Variants in EXT1 observed in about 807,000 individuals in gnomAD.
EXT1 encodes exostosin glycosyltransferase 1, also known as exostosin-1.
Under a neutral mutation model 82.5 loss-of-function variants are expected in EXT1, and 20 were observed. That is an observed-to-expected ratio of 0.24 (90% CI 0.17 to 0.35). The LOEUF is 0.35. EXT1 is among the 10% of genes least tolerant of loss of function. The probability of loss-of-function intolerance (pLI) is 1.00; values close to 1 mark genes in which losing one functional copy is unlikely to be tolerated. For missense variants in EXT1, 757 were observed against 936.5 expected (o/e 0.81, Z 2.50); for synonymous variants, 348 against 350.8 (o/e 0.99, Z 0.09).
chr8:117,859,213 G>A (rs889412845), intron 1 of EXT1, among the ~76,000 whole-genome samples: 5 of 152,014 alleles, frequency 3.3e-5, no homozygotes, highest in African/African-American at 4.8e-5. Context: ...TCGTGGTCTG[G>A]AACCAAACAC....
intron 1 of EXT1, among the ~76,000 whole-genome samples, chr8:118,046,190 C>A (rs1483824430): frequency 2.6e-5 from 4 of 151,592 alleles, no homozygotes; most frequent in Non-Finnish European, 5.9e-5. Context: ...AGGACTGGGT[C>A]TAGTTTCCCA....
At chr8:118,089,665 A>G (rs1252734578) in intron 1 of EXT1, among the ~76,000 whole-genome samples, 1 of 152,232 alleles carries the variant, frequency 6.6e-6, no homozygotes, top group Admixed American at 6.5e-5. Flanking sequence ...CTTTTTTAAC[A>G]CATTCGCCAG....
chr8:117,865,689 T>C (rs1331116797), intron 1 of EXT1, among the ~76,000 whole-genome samples: 2 of 152,230 alleles, frequency 1.3e-5, no homozygotes, highest in East Asian at 3.8e-4. Flanking sequence ...TGTATTACAA[T>C]ATTCATCCTG....
At chr8:117,839,055 T>C (rs1243980480) in intron 1 of EXT1, among the ~76,000 whole-genome samples, 1 of 152,170 alleles carries the variant, frequency 6.6e-6, no homozygotes, top group Non-Finnish European at 1.5e-5. Flanking sequence ...AGAAAACTTA[T>C]AGGAAAAATT....
chr8:117,985,883 T>C (rs1170162905), intron 1 of EXT1, among the ~76,000 whole-genome samples: 1 of 152,248 alleles, frequency 6.6e-6, no homozygotes. Flanking sequence ...CACTTTTCTA[T>C]AGCATTGAAT....
At chr8:117,841,446 A>G (rs765781704) in intron 1 of EXT1, among the ~76,000 whole-genome samples, 3 of 152,190 alleles carry the variant, frequency 2.0e-5, no homozygotes, top group Non-Finnish European at 2.9e-5. Flanking sequence ...ATGGGGGGAC[A>G]CAGTGTTTTA....
chr8:117,864,613 G>A (rs940455805), intron 1 of EXT1, among the ~76,000 whole-genome samples: 3 of 152,172 alleles, frequency 2.0e-5, no homozygotes, highest in Non-Finnish European at 4.4e-5. Context: ...GCGGGGCATG[G>A]TGGGGTGTGC....
In EXT1 at chr8:118,025,732, T is replaced by C. The variant is rs17505276; in HGVS notation, c.962+84353A>G. Among the ~76,000 whole-genome samples, 564 of 151,902 alleles carry C rather than the reference T, an allele frequency of 3.7e-3. 3 individuals are homozygous for C. Among genetic ancestry groups the C allele is most frequent in the African/African-American group, 0.013 (545 of 41,416 alleles). ...AGGAGAAAAAAATGTGATGAAGGAG[T>C]CTTGTTTCCTTTTTTTCTCTTCCAT... On this transcript the variant is annotated intron_variant, in intron 1 of 10. Coordinates refer to ENST00000378204, the MANE Select transcript of EXT1 (RefSeq NM_000127.3).
intron 1 of EXT1, among the ~76,000 whole-genome samples, chr8:118,091,553 A>G (rs1174637606): frequency 6.6e-6 from 1 of 152,140 alleles, no homozygotes; most frequent in Non-Finnish European, 1.5e-5. Context: ...CCTGGCTAAC[A>G]CAGTGAAACT....
chr8:117,863,274 C>G (rs763428472), intron 1 of EXT1, among the ~76,000 whole-genome samples: 1 of 114,308 alleles, frequency 8.7e-6, no homozygotes, highest in African/African-American at 2.6e-5. Context: ...AGACACACAG[C>G]TACTATGCAC....
At chr8:117,873,374 C>A (rs1275182373) in intron 1 of EXT1, among the ~76,000 whole-genome samples, 1 of 151,704 alleles carries the variant, frequency 6.6e-6, no homozygotes, top group East Asian at 1.9e-4. Context: ...ACTACAATTT[C>A]CCATGAAGTT....
intron 1 of EXT1, among the ~76,000 whole-genome samples, chr8:117,958,775 C>G (rs1814638167): frequency 6.6e-6 from 1 of 152,152 alleles, no homozygotes; most frequent in Non-Finnish European, 1.5e-5. Context: ...TTTCAACTAG[C>G]CTAAGCAAAA....
intron 1 of EXT1, among the ~76,000 whole-genome samples, chr8:118,071,968 T>G (rs569747928): frequency 6.6e-6 from 1 of 152,178 alleles, no homozygotes; most frequent in South Asian, 2.1e-4. Context: ...GGTGAGTAGG[T>G]TAAAAGAAGC....
intron 1 of EXT1, among the ~76,000 whole-genome samples, chr8:118,020,364 A>G (rs1022139553): frequency 2.0e-5 from 3 of 152,330 alleles, no homozygotes; most frequent in African/African-American, 4.8e-5. Flanking sequence ...TGGTCTTTAC[A>G]TACCTTCACT....
At chr8:118,041,239 C>T (rs73704896) in intron 1 of EXT1, among the ~76,000 whole-genome samples, 3,590 of 152,244 alleles carry the variant, frequency 0.024, 130 homozygotes, top group African/African-American at 0.077. Context: ...TCTAACTAGG[C>T]ATCAGAAAGC....
chr8:117,820,710 A>C (rs990828804), intron 5 of EXT1, among the ~76,000 whole-genome samples: 1 of 152,140 alleles, frequency 6.6e-6, no homozygotes, highest in Non-Finnish European at 1.5e-5. Context: ...AAAAAAAAAA[A>C]AACTTAATGC....
At chr8:117,812,990 G>A in intron 7 of EXT1, 29 bp from the exon 8 acceptor site, 1 of 1,570,492 alleles carries the variant, frequency 6.4e-7, no homozygotes, top group Non-Finnish European at 8.7e-7. Flanking sequence ...AGGCAGTGGG[G>A]AGGGAATGAG....
Position 117,915,803 on chromosome 8 carries a change from C to T in EXT1, c.963-78602G>A, listed in dbSNP as rs188644567. Among the ~76,000 whole-genome samples, 298 of 152,240 alleles carry T rather than the reference C, an allele frequency of 2.0e-3. 2 individuals carry two copies. Among genetic ancestry groups the T allele is most frequent in the African/African-American group, 6.8e-3 (284 of 41,552 alleles). On this transcript the variant is annotated intron_variant, in intron 1 of 10. Transcript: ENST00000378204. ...CCCAAGAGGCGGAGGTTACAGTGAG[C>T]CAAGATCATGCCACTGCATTCCAGC...
chr8:117,822,595 A>G lies in EXT1; in HGVS notation c.1287T>C (p.Ile429=). 6.2e-7 allele frequency: 1 copy of G among 1,612,562 alleles called. No individual in the cohort carries two copies. ...VEKIVLTTLE[I]IQDRIFKHIS... ...TGTGCTTGAATATTCTGTCCTGAAT[A>G]ATCTAGAAAATAAAACATAGCACAC... is the stretch of plus-strand genomic sequence containing the variant. The change falls in exon 5 of 11, where the codon ATT becomes ATC. Residue 429 remains isoleucine, a splice_region_variant and synonymous_variant. Transcript: ENST00000378204.
Sources: gnomAD v4.1 joint callset for allele counts (sites outside exome capture counted in the v4.1 genomes callset) on GRCh38, gnomAD v4.1.1 for gene constraint, MANE v1.5 for transcripts, NCBI Gene and HGNC (gene_info 2026-07-23, HGNC 2026-07-21) for gene names.